The following ECPAS variants were observed in gnomAD, a reference collection of about 807,000 sequenced individuals.
ECPAS encodes the protein proteasome adapter and scaffold protein ECM29.
In ECPAS, 70 loss-of-function variants were observed where a neutral mutation model predicts 255.1. The ratio of observed to expected loss-of-function variants is 0.27; its 90% CI spans 0.23 to 0.33. The LOEUF is 0.33. ECPAS is among the 10% of genes least tolerant of loss of function. The pLI is 1.00. For missense variants in ECPAS, 1,817 were observed against 2,206.4 expected (o/e 0.82, Z 3.54); for synonymous variants, 784 against 775.0 (o/e 1.01, Z -0.19).
intron 1 of ECPAS, among the ~76,000 whole-genome samples, chr9:111,483,244 G>A (rs1425886939): frequency 4.6e-5 from 7 of 152,044 alleles, no homozygotes; most frequent in Non-Finnish European, 1.5e-5. Flanking sequence ...GGCCAGGGCG[G>A]ATCGCGGGCA....
rs751526597 is a variant in ECPAS, at chr9:111,416,264, A to C, written c.1764+8T>G. The C allele has an allele frequency of 1.2e-5, 19 of 1,601,252 alleles. No homozygotes were observed. The highest frequency in any genetic ancestry group is 2.6e-6 in the Non-Finnish European group (3 of 1,168,480). On this transcript the variant is annotated splice_region_variant and intron_variant, in intron 18 of 49. Transcript: ENST00000684092. ...CAAAAAGTAAATAGAAATATATGAA[A>C]GTTCTACCTCTCCAAAGGCTGCTGG...
chr9:111,404,738 G>C (rs572031430), intron 24 of ECPAS, among the ~76,000 whole-genome samples: 1 of 136,664 alleles, frequency 7.3e-6, no homozygotes, highest in African/African-American at 2.9e-5. Context: ...ATAGCAGTGC[G>C]AGAACAGACT....
chr9:111,409,965 A>G (rs2098191321), intron 23 of ECPAS, 76 bp downstream of exon 23: 3 of 1,064,446 alleles, frequency 2.8e-6, no homozygotes, highest in Non-Finnish European at 4.1e-6. Flanking sequence ...ATCTATTCTC[A>G]TTATAATCTG....
At chr9:111,483,974 G>T in intron 1 of ECPAS, 142 bp downstream of exon 1, 1 of 992,032 alleles carries the variant, frequency 1.0e-6, no homozygotes, top group South Asian at 4.5e-5. Flanking sequence ...CTCGCGGCTC[G>T]TCCTGCCCAC....
chr9:111,483,448 G>A (rs2098309945), intron 1 of ECPAS: 1 of 937,204 alleles, frequency 1.1e-6, no homozygotes, highest in Non-Finnish European at 1.3e-6. Flanking sequence ...GCCGGCCCCC[G>A]GCACCGCGCG....
In ECPAS at chr9:111,360,819, T is replaced by C. The variant is rs892649395; in HGVS notation, c.*1211A>G. The C allele has an allele frequency of 6.6e-6, 1 of 152,208 alleles. No individual in the cohort carries two copies. Among genetic ancestry groups the C allele is most frequent in the Non-Finnish European group, 1.5e-5 (1 of 68,038 alleles). The allele number at this position is 152,208 out of a possible 1,614,324, so 9.4% of individuals were successfully genotyped here. A position where few individuals can be genotyped will look rare whatever the true frequency, so the allele number is the denominator to read the frequency against. On this transcript the variant is annotated 3_prime_UTR_variant, in exon 50 of 50. Coordinates refer to ENST00000684092, the MANE Select transcript of ECPAS (RefSeq NM_001364929.1). ...GAAAAATAATAAACATGGAGATTCC[T>C]GGTGTTAACGTCAATAAGGATGAGT...
intron 1 of ECPAS, among the ~76,000 whole-genome samples, chr9:111,480,292 C>CTTTTTTTTTT (rs398011866): frequency 6.3e-5 from 4 of 63,638 alleles, no homozygotes; most frequent in African/African-American, 2.5e-4. Flanking sequence ...AGCACCTTTT[C>CTTTTTTTTTT]TTTTTTTTTT....
rs553532178 is a variant in ECPAS at position 111,444,029 on chromosome 9, G to A, written c.270+349C>T. Among the ~76,000 whole-genome samples, 6 of 151,494 alleles carry A rather than the reference G, an allele frequency of 4.0e-5. No individual in the cohort carries two copies. The South Asian group carries it at 8.3e-4, about 21-fold the overall frequency. On this transcript the variant is annotated intron_variant, in intron 4 of 49. Transcript: ENST00000684092. Reference sequence around the variant, plus strand: ...TTTTTTCTTCCATTAGGCTTTATTCGTGCCCAAGCCGTATAACATTTCCCT... The same window carrying A: ...TTTTTTCTTCCATTAGGCTTTATTCATGCCCAAGCCGTATAACATTTCCCT...
chr9:111,371,617 T>C lies in ECPAS; in HGVS notation c.4737+4A>G, dbSNP rs1266089190. ...CTTTAACTGGGTATGAATGGTTCCT[T>C]TACCTTTCCTGCCCACGTTCTTCCA... is the stretch of plus-strand genomic sequence containing the variant. On this transcript the variant is annotated splice_donor_region_variant and intron_variant, in intron 43 of 49. Transcript: ENST00000684092. The C allele has an allele frequency of 2.5e-6, 4 of 1,612,644 alleles. No individual in the cohort carries two copies. Among genetic ancestry groups the C allele is most frequent in the Non-Finnish European group, 1.7e-6 (2 of 1,179,136 alleles).
At chr9:111,475,752 C>G (rs2098295423) in intron 1 of ECPAS, among the ~76,000 whole-genome samples, 1 of 150,830 alleles carries the variant, frequency 6.6e-6, no homozygotes, top group Non-Finnish European at 1.5e-5. Context: ...AAAAAAAAAC[C>G]CAGAATGCAG....
At chr9:111,462,766 A>G (rs866049861) in intron 2 of ECPAS, among the ~76,000 whole-genome samples, 2 of 143,802 alleles carry the variant, frequency 1.4e-5, no homozygotes, top group African/African-American at 2.6e-5. Context: ...TTTTTGAGAC[A>G]GAGTTTCACT....
intron 3 of ECPAS, among the ~76,000 whole-genome samples, chr9:111,449,649 A>G (rs1356715237): frequency 2.0e-5 from 3 of 152,176 alleles, no homozygotes; most frequent in Non-Finnish European, 4.4e-5. Flanking sequence ...TGAGTTAAAA[A>G]CTACTGACGA....
chr9:111,453,092 A>T (rs920029227), intron 2 of ECPAS, among the ~76,000 whole-genome samples: 4 of 152,044 alleles, frequency 2.6e-5, no homozygotes, highest in African/African-American at 7.2e-5. Flanking sequence ...AAAAAAAAGG[A>T]AAAAATTAGC....
At chr9:111,448,981 G>C (rs1216734216) in intron 3 of ECPAS, among the ~76,000 whole-genome samples, 2 of 151,866 alleles carry the variant, frequency 1.3e-5, no homozygotes, top group East Asian at 3.9e-4. Context: ...TGATGACCAA[G>C]CTTACCTTTT....
At position 111,372,690 on chromosome 9, in the gene ECPAS, T is replaced by C. The variant is rs144847725; in HGVS notation, c.4337-70A>G. ...AGGGTAACTGATCTAAACAGGCTAT[T>C]GTTCAACTCATATAATAGCAAAACA... On this transcript the variant is annotated intron_variant, in intron 41 of 49. Transcript: ENST00000684092. 1.2e-5 allele frequency: 14 copies of C among 1,188,172 alleles called. No homozygotes were observed. In the African/African-American group the frequency reaches 1.2e-4, roughly 10 times the overall value. The allele number at this position is 1,188,172 out of a possible 1,614,324, so 73.6% of individuals were successfully genotyped here.
intron 34 of ECPAS, 134 bp downstream of exon 34, chr9:111,384,387 TA>T: frequency 1.4e-6 from 1 of 731,490 alleles, no homozygotes; most frequent in Non-Finnish European, 2.4e-6. Flanking sequence ...TCATTCATTC[TA>T]AGAGCAGTGA....
chr9:111,481,711 CAGAT>C (rs1393021284), intron 1 of ECPAS, among the ~76,000 whole-genome samples: 4 of 152,072 alleles, frequency 2.6e-5, no homozygotes, highest in Non-Finnish European at 5.9e-5. Flanking sequence ...TGTCCATAGA[CAGAT>C]AGATGGACAA....
Position 111,385,388 on chromosome 9 carries a change from A to G in ECPAS, c.3582T>C (p.Asp1194=). ...LRGRPLDDII[D]KLPEIWETLF... Reference sequence around the variant, plus strand: ...GCGTTTCCCAAATTTCTGGAAGTTTATCAATGATGTCATCTAAGGGTCTTC... The same window carrying G: ...GCGTTTCCCAAATTTCTGGAAGTTTGTCAATGATGTCATCTAAGGGTCTTC... Residue 1194 remains aspartate (D), a synonymous_variant, in exon 33 of 50, where the codon GAT becomes GAC. Transcript: ENST00000684092. 1 of 1,583,408 alleles carries G rather than the reference A, an allele frequency of 6.3e-7. No homozygotes were observed. Among genetic ancestry groups the G allele is most frequent in the Non-Finnish European group, 8.6e-7 (1 of 1,162,224 alleles).
At chr9:111,424,049 C>G (rs2098218045) in intron 12 of ECPAS, among the ~76,000 whole-genome samples, 1 of 152,136 alleles carries the variant, frequency 6.6e-6, no homozygotes, top group African/African-American at 2.4e-5. Context: ...AGCTTCTCCC[C>G]AAGAGCCCCA....
Sources: gnomAD v4.1 joint callset for allele counts (sites outside exome capture counted in the v4.1 genomes callset) on GRCh38, gnomAD v4.1.1 for gene constraint, MANE v1.5 for transcripts, NCBI Gene and HGNC (gene_info 2026-07-23, HGNC 2026-07-21) for gene names.